Variants in OR11A1 observed in about 807,000 individuals in gnomAD.
OR11A1 encodes olfactory receptor 11A1.
For missense variants in OR11A1, 380 were observed against 378.2 expected, an observed-to-expected ratio of 1.00 and a Z score of -0.04; for synonymous variants, 158 against 152.2, an observed-to-expected ratio of 1.04 and a Z score of -0.28.
chr6:29,447,181 C>G (rs141440850), intron 1 of OR11A1, among the ~76,000 whole-genome samples: 18 of 151,760 alleles, frequency 1.2e-4, no homozygotes, highest in African/African-American at 4.3e-4. Flanking sequence ...GACCTAATTC[C>G]CCATTTGCAT....
Position 29,427,667 on chromosome 6 carries a change from C to T in OR11A1, c.-26G>A, listed in dbSNP as rs1177699982. ...GTCGATCGTCCAAGTTTCTGCTTGG[C>T]AATAATTGGGGGAGAAATTTTAGCA... On this transcript the variant is annotated 5_prime_UTR_variant, in exon 5 of 5. Transcript: ENST00000377149. 9 of 1,582,926 alleles carry T rather than the reference C, an allele frequency of 5.7e-6. No individual in the cohort carries two copies. Among genetic ancestry groups the T allele is most frequent in the Non-Finnish European group, 7.7e-6 (9 of 1,164,192 alleles).
At position 29,427,592 on chromosome 6, in the gene OR11A1, A is replaced by AATTCAG. The variant is rs1331092910; in HGVS notation, c.49_50insCTGAAT (p.Leu17delinsProGluPhe). ...CAGTTCAGGGATGTCATAGAAGCCAAGGAGGACAAATTCAGTAATAGTTTC... is the reference window on the plus strand; with the variant it reads ...CAGTTCAGGGATGTCATAGAAGCCAAATTCAGGGAGGACAAATTCAGTAATAGTTTC... On this transcript the variant is annotated protein_altering_variant, in exon 5 of 5. Coordinates refer to ENST00000377149, the MANE Select transcript of OR11A1 (RefSeq NM_001394828.1). 6.2e-7 allele frequency: 1 copy of AATTCAG among 1,612,792 alleles called. No homozygotes were observed. The highest frequency in any genetic ancestry group is 8.5e-7 in the Non-Finnish European group (1 of 1,179,966).
intron 1 of OR11A1, among the ~76,000 whole-genome samples, chr6:29,441,586 G>A: frequency 6.6e-6 from 1 of 152,140 alleles, no homozygotes; most frequent in East Asian, 1.9e-4. Flanking sequence ...TAATCTCTCT[G>A]AGCCTTAATT....
intron 1 of OR11A1, chr6:29,440,828 T>C (rs747538643): frequency 6.2e-7 from 1 of 1,613,932 alleles, no homozygotes; most frequent in Non-Finnish European, 8.5e-7. Flanking sequence ...CCACTGACCC[T>C]CTGGTGTCCC....
intron 1 of OR11A1, among the ~76,000 whole-genome samples, chr6:29,435,248 C>T (rs1783540760): frequency 6.6e-6 from 1 of 152,184 alleles, no homozygotes; most frequent in South Asian, 2.1e-4. Flanking sequence ...CACAGAGCAG[C>T]AGCTTGAAGG....
intron 4 of OR11A1, chr6:29,428,502 TC>T: frequency 1.7e-6 from 1 of 574,726 alleles, no homozygotes; most frequent in Non-Finnish European, 2.2e-6. Context: ...ACGCCTGTAA[TC>T]CCAGCACTTT....
intron 1 of OR11A1, among the ~76,000 whole-genome samples, chr6:29,438,047 AC>A (rs1783775382): frequency 2.6e-5 from 4 of 152,220 alleles, no homozygotes; most frequent in Non-Finnish European, 4.4e-5. Flanking sequence ...TCAGAAGAAA[AC>A]TAAGTACGAA....
intron 4 of OR11A1, among the ~76,000 whole-genome samples, 157 bp downstream of exon 4, chr6:29,428,756 C>CAAAAA (rs11424255): frequency 2.3e-4 from 11 of 47,886 alleles, no homozygotes; most frequent in African/African-American, 4.3e-4. Context: ...AACTCCATCT[C>CAAAAA]AAAAAAAAAA....
chr6:29,440,416 T>C, intron 1 of OR11A1: 1 of 1,614,118 alleles, frequency 6.2e-7, no homozygotes, highest in Non-Finnish European at 8.5e-7. Flanking sequence ...TACCCACTGC[T>C]GCTGAGCCAC....
intron 1 of OR11A1, among the ~76,000 whole-genome samples, chr6:29,442,527 A>G (rs1377894739): frequency 1.3e-5 from 2 of 152,216 alleles, no homozygotes; most frequent in Admixed American, 6.5e-5. Flanking sequence ...GGAGAATATC[A>G]AGTACATACA....
chr6:29,441,109 G>C lies in OR11A1; in HGVS notation c.-388-9122C>G, dbSNP rs1049113435. The C allele has an allele frequency of 1.0e-5, 6 of 599,224 alleles. No individual in the cohort carries two copies. The East Asian group carries it at 1.7e-4, about 17-fold the overall frequency. The allele number at this position is 599,224 out of a possible 1,614,324, so 37.1% of individuals were successfully genotyped here. A position where few individuals can be genotyped will look rare whatever the true frequency, so the allele number is the denominator to read the frequency against. On this transcript the variant is annotated intron_variant, in intron 1 of 4. Coordinates refer to ENST00000377149, the MANE Select transcript of OR11A1 (RefSeq NM_001394828.1). ...TTGAAAAGCTACCGTAGTCAAATGC[G>C]CTCCTCAGACCCTCACAACACATAC...
At chr6:29,444,261 G>T (rs139871180) in intron 1 of OR11A1, among the ~76,000 whole-genome samples, 4 of 152,190 alleles carry the variant, frequency 2.6e-5, no homozygotes, top group Non-Finnish European at 4.4e-5. Flanking sequence ...GCTCCTCCTT[G>T]CCTTCCACCA....
chr6:29,443,656 A>G (rs1784430581), intron 1 of OR11A1, among the ~76,000 whole-genome samples: 1 of 152,224 alleles, frequency 6.6e-6, no homozygotes. Flanking sequence ...TCTCTGGGGT[A>G]AATACATAGA....
intron 1 of OR11A1, among the ~76,000 whole-genome samples, chr6:29,445,484 G>A (rs984580232): frequency 2.0e-5 from 3 of 152,170 alleles, no homozygotes; most frequent in Non-Finnish European, 4.4e-5. Context: ...AAGACTCACC[G>A]GCTCACAAGG....
At chr6:29,441,602 A>T (rs780292706) in intron 1 of OR11A1, among the ~76,000 whole-genome samples, 2 of 152,146 alleles carry the variant, frequency 1.3e-5, no homozygotes, top group South Asian at 2.1e-4. Flanking sequence ...TAATTTTTTT[A>T]AATTTTATTT....
In OR11A1 at chr6:29,425,893, A is replaced by G. The variant is rs996511746; in HGVS notation, c.*801T>C. The G allele has an allele frequency of 6.6e-6, 1 of 152,238 alleles. No homozygotes were observed. The highest frequency in any genetic ancestry group is 2.4e-5 in the African/African-American group (1 of 41,464). 9.4% of individuals were successfully genotyped at this position (152,238 alleles called of 1,614,324 possible). A position where few individuals can be genotyped will look rare whatever the true frequency, so the allele number is the denominator to read the frequency against. ...AGGAAAATCCAGATGTAAACAATGT[A>G]CAGTAAAAGAATAGAATACAACTAA... On this transcript the variant is annotated 3_prime_UTR_variant, in exon 5 of 5. Transcript: ENST00000377149.
In OR11A1 at chr6:29,426,593, A is replaced by G. The variant is rs1435383955; in HGVS notation, c.*101T>C. On this transcript the variant is annotated 3_prime_UTR_variant, in exon 5 of 5. Transcript: ENST00000377149. ...AGTATAACTGCAGAAGAGTTCAAAG[A>G]GAATGGTCGAATAAGACAAAGTTAC... 4.8e-6 allele frequency: 4 copies of G among 829,228 alleles called. No individual in the cohort carries two copies. The highest frequency in any genetic ancestry group is 5.6e-6 in the Non-Finnish European group (3 of 537,312). 51.4% of individuals were successfully genotyped at this position (829,228 alleles called of 1,614,324 possible).
chr6:29,428,117 T>C, intron 4 of OR11A1: 1 of 539,520 alleles, frequency 1.9e-6, no homozygotes, highest in South Asian at 7.7e-5. Context: ...TATGAGTGGT[T>C]TGAGAATTCT....
intron 1 of OR11A1, among the ~76,000 whole-genome samples, chr6:29,435,860 C>T (rs911284258): frequency 3.3e-5 from 5 of 152,100 alleles, no homozygotes; most frequent in Non-Finnish European, 5.9e-5. Context: ...TTAGCTGTGT[C>T]ATAAATGATT....
Sources: allele counts gnomAD v4.1 joint callset (sites outside exome capture counted in the v4.1 genomes callset), GRCh38; gene constraint gnomAD v4.1.1; transcripts MANE v1.5; gene names NCBI Gene and HGNC (gene_info 2026-07-23, HGNC 2026-07-21).